Variants in RBFOX1 observed in about 807,000 individuals in gnomAD.
RBFOX1 encodes RNA binding fox-1 homolog 1.
RBFOX1 carries 8 observed loss-of-function variants against 57.7 expected under a neutral mutation model. The ratio of observed to expected loss-of-function variants is 0.14; its 90% CI spans 0.08 to 0.25. RBFOX1 has a LOEUF of 0.25. Among genes scored for constraint, RBFOX1 ranks in the 10% least tolerant of loss-of-function variants. RBFOX1 has a pLI of 1.00. For synonymous variants in RBFOX1, 326 were observed against 222.4 expected (o/e 1.47, Z -4.15); for missense variants, 611 against 548.5 (o/e 1.11, Z -1.14).
intron 2 of RBFOX1, among the ~76,000 whole-genome samples, chr16:5,540,624 C>T (rs4427802): frequency 4.6e-5 from 7 of 151,968 alleles, no homozygotes; most frequent in Non-Finnish European, 7.4e-5. Flanking sequence ...AATCACCTGA[C>T]GCGTTTGTTA....
chr16:5,381,043 A>T (rs927236653), intron 1 of RBFOX1, among the ~76,000 whole-genome samples: 3 of 152,174 alleles, frequency 2.0e-5, no homozygotes, highest in Non-Finnish European at 4.4e-5. Flanking sequence ...TCCCTTGGAG[A>T]GGCCTCGTAG....
chr16:6,082,423 G>C (rs376354190), intron 1 of RBFOX1, among the ~76,000 whole-genome samples: 64 of 124,056 alleles, frequency 5.2e-4, no homozygotes, highest in South Asian at 3.7e-3. Flanking sequence ...TTGAACTCCT[G>C]ACCTCAGAGT....
chr16:6,133,705 C>T (rs1035488298), intron 1 of RBFOX1, among the ~76,000 whole-genome samples: 1 of 152,190 alleles, frequency 6.6e-6, no homozygotes, highest in African/African-American at 2.4e-5. Flanking sequence ...TCTGCATCCT[C>T]ACCTTGCTCA....
intron 4 of RBFOX1, among the ~76,000 whole-genome samples, chr16:5,887,329 C>G (rs2151927984): frequency 6.6e-6 from 1 of 152,280 alleles, no homozygotes; most frequent in South Asian, 2.1e-4. Flanking sequence ...CAACTTTTCT[C>G]CAGATGCCCC....
At chr16:7,233,264 A>C (rs2093603880) in intron 4 of RBFOX1, among the ~76,000 whole-genome samples, 1 of 149,986 alleles carries the variant, frequency 6.7e-6, no homozygotes, top group African/African-American at 2.5e-5. Context: ...GACTGTTTCT[A>C]AGCTGGCTCT....
intron 2 of RBFOX1, among the ~76,000 whole-genome samples, chr16:6,553,080 T>G (rs115927784): frequency 0.01 from 1,532 of 152,312 alleles, 25 homozygotes; most frequent in African/African-American, 0.034. Flanking sequence ...AGCCAGAGTC[T>G]CAGTATGTAA....
chr16:5,804,494 G>C (rs1597321973), intron 3 of RBFOX1, among the ~76,000 whole-genome samples: 1 of 152,108 alleles, frequency 6.6e-6, no homozygotes, highest in African/African-American at 2.4e-5. Flanking sequence ...GAGTCCCTGG[G>C]GTATTTCCTA....
chr16:6,647,910 C>T (rs545822563), intron 2 of RBFOX1, among the ~76,000 whole-genome samples: 3 of 152,260 alleles, frequency 2.0e-5, no homozygotes, highest in South Asian at 2.1e-4. Flanking sequence ...GGTGCAATCT[C>T]GGCTTACTGC....
chr16:6,683,144 C>T (rs934613216), intron 3 of RBFOX1, among the ~76,000 whole-genome samples: 2 of 151,992 alleles, frequency 1.3e-5, no homozygotes, highest in South Asian at 2.1e-4. Flanking sequence ...CTAGCAGATG[C>T]GTATTTTCCT....
chr16:6,470,590 C>G (rs537750494), intron 2 of RBFOX1, among the ~76,000 whole-genome samples: 3 of 152,210 alleles, frequency 2.0e-5, no homozygotes, highest in Admixed American at 6.5e-5. Flanking sequence ...ACATATCTAT[C>G]CAGTTGCCTC....
intron 2 of RBFOX1, among the ~76,000 whole-genome samples, chr16:6,615,919 C>G (rs887540561): frequency 1.2e-4 from 18 of 152,182 alleles, no homozygotes; most frequent in Admixed American, 1.2e-3. Flanking sequence ...CTCATAACCT[C>G]CCTCGGTGCA....
At chr16:7,697,262 G>T (rs148158818) in intron 14 of RBFOX1, among the ~76,000 whole-genome samples, 2 of 152,208 alleles carry the variant, frequency 1.3e-5, no homozygotes, top group South Asian at 2.1e-4. Context: ...TATTTTGATG[G>T]GAGAACAAAC....
intron 4 of RBFOX1, among the ~76,000 whole-genome samples, chr16:7,270,352 T>G (rs554730228): frequency 1.5e-3 from 223 of 152,328 alleles, no homozygotes; most frequent in African/African-American, 5.1e-3. Context: ...TTATTTCAGA[T>G]AAGCTTCTCC....
chr16:6,733,542 A>C (rs1469415791), intron 3 of RBFOX1, among the ~76,000 whole-genome samples: 2 of 152,192 alleles, frequency 1.3e-5, no homozygotes, highest in Non-Finnish European at 2.9e-5. Flanking sequence ...TTTAATAATT[A>C]ATATGTAGCA....
chr16:6,713,971 A>G (rs1030650767), intron 3 of RBFOX1, among the ~76,000 whole-genome samples: 1 of 152,232 alleles, frequency 6.6e-6, no homozygotes, highest in Admixed American at 6.5e-5. Flanking sequence ...AGTAGTTGAT[A>G]CGGTTAGGCT....
Position 7,265,970 on chromosome 16 carries a change from T to G in RBFOX1, c.27+213872T>G, listed in dbSNP as rs796924575. On this transcript the variant is annotated intron_variant, in intron 4 of 15. Coordinates refer to ENST00000550418, the MANE Select transcript of RBFOX1 (RefSeq NM_018723.4). ...TGAGATCTGGTGGGTTTTTGTTTTT[T>G]TTTTTTTTTTTTTTTTTTTTCTGAG... 1.9e-4 allele frequency among the ~76,000 whole-genome samples: 26 copies of G among 134,310 alleles called. No individual in the cohort carries two copies. The South Asian group carries it at 2.1e-3, about 11-fold the overall frequency. The allele number at this position is 134,310 out of a possible 152,430, so 88.1% of individuals were successfully genotyped here. A position where few individuals can be genotyped will look rare whatever the true frequency, so the allele number is the denominator to read the frequency against.
chr16:6,698,455 G>A (rs17140953), intron 3 of RBFOX1, among the ~76,000 whole-genome samples: 11,334 of 152,154 alleles, frequency 0.074, 542 homozygotes, highest in African/African-American at 0.14. Context: ...CCGCCATAAC[G>A]CAAATCAATC....
chr16:7,151,230 T>G (rs1458891706), intron 4 of RBFOX1, among the ~76,000 whole-genome samples: 1 of 152,214 alleles, frequency 6.6e-6, no homozygotes, highest in Non-Finnish European at 1.5e-5. Context: ...AAGTCACTCA[T>G]AGAATGGGAG....
At chr16:7,621,755 C>A (rs965040106) in intron 10 of RBFOX1, among the ~76,000 whole-genome samples, 15 of 152,242 alleles carry the variant, frequency 9.9e-5, no homozygotes, top group Non-Finnish European at 1.9e-4. Flanking sequence ...TACTGAGAGA[C>A]AGTTACTGTT....
Sources: allele counts gnomAD v4.1 joint callset (sites outside exome capture counted in the v4.1 genomes callset), GRCh38; gene constraint gnomAD v4.1.1; transcripts MANE v1.5; gene names NCBI Gene and HGNC (gene_info 2026-07-23, HGNC 2026-07-21).